Variants in PSMD11 observed in about 807,000 individuals in gnomAD.
PSMD11 encodes the protein proteasome 26S subunit, non-ATPase 11, also known as 26S proteasome non-ATPase regulatory subunit 11.
In PSMD11, 5 loss-of-function variants were observed where a neutral mutation model predicts 62.3. That is an observed-to-expected ratio of 0.08 (90% CI 0.04 to 0.17). PSMD11 has a LOEUF of 0.17. Ranked by LOEUF, PSMD11 falls within the 10% of genes least tolerant of loss-of-function variation. The pLI is 1.00. For missense variants in PSMD11, 310 were observed against 512.9 expected, an observed-to-expected ratio of 0.60 and a Z score of 3.82; for synonymous variants, 191 against 191.8, an observed-to-expected ratio of 1.00 and a Z score of 0.03.
chr17:32,473,811 T>C lies in PSMD11; in HGVS notation c.654T>C (p.His218=). 6.2e-7 allele frequency: 1 copy of C among 1,613,718 alleles called. No individual in the cohort carries two copies. The part of the protein sequence containing the change: ...ATLDMQSGII[H]AAEEKDWKTA... Reference sequence around the variant, plus strand: ...CTTTTCAATGCCCAGGTATTATCCATGCAGCAGAAGAGAAGGACTGGAAAA... The same window carrying C: ...CTTTTCAATGCCCAGGTATTATCCACGCAGCAGAAGAGAAGGACTGGAAAA... The change falls in exon 7 of 14, where the codon CAT becomes CAC. Residue 218 remains histidine (H), a synonymous_variant. Coordinates refer to ENST00000261712, the MANE Select transcript of PSMD11 (RefSeq NM_002815.4).
intron 3 of PSMD11, among the ~76,000 whole-genome samples, chr17:32,456,005 G>T (rs975313329): frequency 2.0e-4 from 30 of 152,046 alleles, no homozygotes; most frequent in Middle Eastern, 3.4e-3. Context: ...TTAGCCAGGT[G>T]TGGTGGTGGG....
intron 3 of PSMD11, among the ~76,000 whole-genome samples, chr17:32,462,111 C>T (rs1907862611): frequency 6.6e-6 from 1 of 152,136 alleles, no homozygotes; most frequent in Non-Finnish European, 1.5e-5. Flanking sequence ...CTATTCTAGA[C>T]TAATGAATCA....
Position 32,474,926 on chromosome 17 carries a change from T to G in PSMD11, c.849+102T>G, listed in dbSNP as rs1908274469. ...AGCACTCTTCAGATCTTCATACTAC[T>G]CTCTTCCTTCTGCCCCACTCACTTC... is the stretch of plus-strand genomic sequence containing the variant. On this transcript the variant is annotated intron_variant, in intron 8 of 13. Coordinates refer to ENST00000261712, the MANE Select transcript of PSMD11 (RefSeq NM_002815.4). 5 of 1,014,766 alleles carry G rather than the reference T, an allele frequency of 4.9e-6. No homozygotes were observed. The South Asian group carries it at 5.3e-5, about 11-fold the overall frequency. 62.9% of individuals were successfully genotyped at this position (1,014,766 alleles called of 1,614,324 possible). A position where few individuals can be genotyped will look rare whatever the true frequency, so the allele number is the denominator to read the frequency against.
intron 10 of PSMD11, 149 bp from the exon 11 acceptor site, chr17:32,479,702 G>A: frequency 1.1e-6 from 1 of 887,988 alleles, no homozygotes; most frequent in Non-Finnish European, 1.8e-6. Flanking sequence ...AGGCAGATGG[G>A]CAGAGAACAA....
At chr17:32,449,967 T>C (rs1907440751) in intron 2 of PSMD11, among the ~76,000 whole-genome samples, 1 of 152,226 alleles carries the variant, frequency 6.6e-6, no homozygotes, top group Admixed American at 6.5e-5. Context: ...TAATTGTGAT[T>C]GCAAGTAGTG....
chr17:32,479,685 G>A, intron 10 of PSMD11, 166 bp from the exon 11 acceptor site: 1 of 800,018 alleles, frequency 1.2e-6, no homozygotes, highest in South Asian at 1.7e-5. Flanking sequence ...GTGTAGCAGT[G>A]AAGGGCAGGC....
intron 3 of PSMD11, among the ~76,000 whole-genome samples, chr17:32,462,155 G>A (rs1244112209): frequency 1.3e-5 from 2 of 152,190 alleles, no homozygotes; most frequent in East Asian, 3.9e-4. Flanking sequence ...TGGTAGATGA[G>A]TGTGGTAAAT....
At chr17:32,467,242 CTT>C (rs751751489) in intron 5 of PSMD11, among the ~76,000 whole-genome samples, 5 of 120,532 alleles carry the variant, frequency 4.1e-5, no homozygotes, top group African/African-American at 9.5e-5. Context: ...CATGCCCGGC[CTT>C]TTTTTTTTTT....
chr17:32,463,987 G>A, intron 3 of PSMD11, 62 bp from the exon 4 acceptor site: 1 of 1,473,540 alleles, frequency 6.8e-7, no homozygotes, highest in Middle Eastern at 1.7e-4. Flanking sequence ...GTTCTCCAAA[G>A]CATGGTTTGT....
intron 4 of PSMD11, among the ~76,000 whole-genome samples, 165 bp from the exon 5 acceptor site, chr17:32,464,356 G>C (rs1268398917): frequency 2.0e-5 from 3 of 152,166 alleles, no homozygotes; most frequent in Non-Finnish European, 4.4e-5. Context: ...TCATTTGCTG[G>C]CTATAATAGG....
intron 2 of PSMD11, among the ~76,000 whole-genome samples, chr17:32,450,387 C>G (rs1207803426): frequency 1.3e-5 from 2 of 150,368 alleles, no homozygotes; most frequent in Non-Finnish European, 2.9e-5. Flanking sequence ...CCCCAAGTAG[C>G]TGGGACTACA....
intron 8 of PSMD11, among the ~76,000 whole-genome samples, chr17:32,475,661 G>A (rs545528751): frequency 6.7e-6 from 1 of 150,290 alleles, no homozygotes; most frequent in African/African-American, 2.5e-5. Flanking sequence ...GTGCAGTGGC[G>A]TATCTCGGCT....
In PSMD11 at chr17:32,470,946, G is replaced by A. The variant is rs73274212; in HGVS notation, c.643+1753G>A. Among the ~76,000 whole-genome samples, 1,352 of 152,290 alleles carry A rather than the reference G, an allele frequency of 8.9e-3. 20 individuals carry two copies. The highest frequency in any genetic ancestry group is 0.029 in the African/African-American group (1,199 of 41,550). ...CCAAAGTGGGAGGTTTTTTGAGTAG[G>A]CTGGAAGGACGCATCACTCAATAAA... On this transcript the variant is annotated intron_variant, in intron 6 of 13. Transcript: ENST00000261712.
Position 32,474,830 on chromosome 17 carries a change from G to A in PSMD11, c.849+6G>A, listed in dbSNP as rs775561015. The A allele has an allele frequency of 5.0e-6, 8 of 1,612,544 alleles. No individual in the cohort carries two copies. The South Asian group carries it at 8.8e-5, about 18-fold the overall frequency. ...TTCGGTATGCAGGGAGGCAGGTAGG[G>A]ACTCCCTTGACTGCAGTTCTGCTCA... On this transcript the variant is annotated splice_donor_region_variant and intron_variant, in intron 8 of 13. Transcript: ENST00000261712.
At chr17:32,473,674 C>A in intron 6 of PSMD11, 127 bp from the exon 7 acceptor site, 1 of 888,598 alleles carries the variant, frequency 1.1e-6, no homozygotes, top group Non-Finnish European at 1.7e-6. Context: ...CTCAGCCTCC[C>A]AAAGTGTGGA....
chr17:32,448,111 C>A (rs573326356), intron 2 of PSMD11, among the ~76,000 whole-genome samples: 2 of 152,090 alleles, frequency 1.3e-5, no homozygotes, highest in South Asian at 4.1e-4. Context: ...GAACTCCTGA[C>A]CTCATGGTCC....
intron 10 of PSMD11, 126 bp from the exon 11 acceptor site, chr17:32,479,725 C>T (rs1025010254): frequency 3.6e-5 from 41 of 1,130,342 alleles, no homozygotes; most frequent in South Asian, 2.1e-4. Context: ...GACTTAAGCA[C>T]GGCCAAGGAG....
chr17:32,444,850 G>C (rs1039244677), intron 1 of PSMD11: 1 of 569,890 alleles, frequency 1.8e-6, no homozygotes, highest in Non-Finnish European at 3.1e-6. Flanking sequence ...CTCACGGGGG[G>C]CTCAGCGTAG....
chr17:32,461,342 G>A (rs932642003), intron 3 of PSMD11, among the ~76,000 whole-genome samples: 14 of 152,200 alleles, frequency 9.2e-5, no homozygotes, highest in Admixed American at 7.9e-4. Flanking sequence ...CTCCCAAAGT[G>A]CTGGGATTAC....
Sources: gnomAD v4.1 joint callset for allele counts (sites outside exome capture counted in the v4.1 genomes callset) on GRCh38, gnomAD v4.1.1 for gene constraint, MANE v1.5 for transcripts, NCBI Gene and HGNC (gene_info 2026-07-23, HGNC 2026-07-21) for gene names.